Variants in RPTOR observed in about 807,000 individuals in gnomAD.
The protein encoded by RPTOR is regulatory associated protein of MTOR complex 1, also known as regulatory-associated protein of mTOR.
RPTOR carries 21 observed loss-of-function variants against 169.9 expected under a neutral mutation model. That is an observed-to-expected ratio of 0.12 (90% confidence interval 0.09 to 0.18). The LOEUF (loss-of-function observed/expected upper bound fraction) is 0.18, where lower values mean the gene tolerates loss of function less well. Among genes scored for constraint, RPTOR ranks in the 10% least tolerant of loss-of-function variants. The pLI is 1.00. For missense variants in RPTOR, 1,133 were observed against 1,855.9 expected (o/e 0.61, Z 7.16); for synonymous variants, 732 against 753.2 (o/e 0.97, Z 0.46).
chr17:80,781,428 G>A (rs1245406433), intron 6 of RPTOR, among the ~76,000 whole-genome samples: 1 of 152,136 alleles, frequency 6.6e-6, no homozygotes, highest in Non-Finnish European at 1.5e-5. Context: ...GGGTACCAAC[G>A]AGCTAGGCCT....
intron 19 of RPTOR, 130 bp downstream of exon 19, chr17:80,892,999 C>T (rs1169584541): frequency 1.8e-6 from 2 of 1,133,172 alleles, no homozygotes; most frequent in East Asian, 2.4e-5. Flanking sequence ...GTCCCATCTG[C>T]CAACATGGTG....
chr17:80,691,528 T>A (rs916097128), intron 3 of RPTOR, among the ~76,000 whole-genome samples: 1 of 152,160 alleles, frequency 6.6e-6, no homozygotes, highest in Non-Finnish European at 1.5e-5. Flanking sequence ...ATGCATGACT[T>A]ACTCTATTCG....
intron 5 of RPTOR, among the ~76,000 whole-genome samples, chr17:80,747,811 C>T (rs778103931): frequency 4.6e-5 from 7 of 152,230 alleles, no homozygotes; most frequent in Admixed American, 6.5e-5. Context: ...ACTCGCCCCA[C>T]CACCCCATGC....
intron 3 of RPTOR, among the ~76,000 whole-genome samples, chr17:80,671,553 G>T (rs9914378): frequency 0.014 from 2,113 of 152,166 alleles, 62 homozygotes; most frequent in African/African-American, 0.048. Flanking sequence ...CTTTAAAAAA[G>T]AACTTAAGTC....
intron 2 of RPTOR, among the ~76,000 whole-genome samples, chr17:80,641,006 G>A (rs1412257643): frequency 1.3e-5 from 2 of 152,226 alleles, no homozygotes; most frequent in Admixed American, 6.5e-5. Flanking sequence ...TCATGCATGC[G>A]GCAAGGTCGC....
chr17:80,908,564 A>G (rs969029687), intron 20 of RPTOR, among the ~76,000 whole-genome samples: 1 of 152,214 alleles, frequency 6.6e-6, no homozygotes, highest in Non-Finnish European at 1.5e-5. Flanking sequence ...ACCCTTTCCA[A>G]CGCAGTTTTC....
intron 6 of RPTOR, among the ~76,000 whole-genome samples, chr17:80,776,398 A>G (rs1349022579): frequency 7.3e-6 from 1 of 137,428 alleles, no homozygotes; most frequent in Non-Finnish European, 1.5e-5. Context: ...ATCTCGGCTC[A>G]CTGCAAGTTC....
chr17:80,964,640 G>T lies in RPTOR; in HGVS notation c.*310G>T. On this transcript the variant is annotated 3_prime_UTR_variant, in exon 34 of 34. Transcript: ENST00000306801. Reference sequence around the variant, plus strand: ...TCTGTGTTTCTCTGAGACGCTGAAAGGGGAAACACCTCACTTTATTTCCAT... The same window carrying T: ...TCTGTGTTTCTCTGAGACGCTGAAATGGGAAACACCTCACTTTATTTCCAT... The T allele has an allele frequency of 2.3e-6, 1 of 441,590 alleles. No individual in the cohort carries two copies. The highest frequency in any genetic ancestry group is 3.7e-5 in the East Asian group (1 of 27,258). 27.4% of individuals were successfully genotyped at this position (441,590 alleles called of 1,614,324 possible). A position where few individuals can be genotyped will look rare whatever the true frequency, so the allele number is the denominator to read the frequency against.
intron 3 of RPTOR, among the ~76,000 whole-genome samples, chr17:80,668,064 G>GGC (rs1410233885): frequency 6.6e-6 from 1 of 152,074 alleles, no homozygotes; most frequent in African/African-American, 2.4e-5. Flanking sequence ...TTCAGGCGCG[G>GGC]GCATCTAACC....
intron 20 of RPTOR, among the ~76,000 whole-genome samples, chr17:80,904,560 C>G (rs2068517429): frequency 6.6e-6 from 1 of 152,190 alleles, no homozygotes; most frequent in African/African-American, 2.4e-5. Context: ...TCTTTTATTA[C>G]TTTTAGTCTA....
Position 80,562,858 on chromosome 17 carries a change from G to A in RPTOR, c.162+17067G>A, listed in dbSNP as rs1033393145. 6.6e-6 allele frequency among the ~76,000 whole-genome samples: 1 copy of A among 152,232 alleles called. No individual in the cohort carries two copies. The highest frequency in any genetic ancestry group is 6.5e-5 in the Admixed American group (1 of 15,288). On this transcript the variant is annotated intron_variant, in intron 1 of 33. Transcript: ENST00000306801. The surrounding 1 kb of genome is among the most constrained non-coding windows in gnomAD (Gnocchi z 4.4). ...ATCAAAACAAAAGTACTGTGAAAAAGTTAAATCAGATTTTTCCTGCATTTT... is the reference window on the plus strand; with the variant it reads ...ATCAAAACAAAAGTACTGTGAAAAAATTAAATCAGATTTTTCCTGCATTTT...
chr17:80,548,078 CTTTTTTTT>C (rs55928458), intron 1 of RPTOR, among the ~76,000 whole-genome samples: 1 of 102,780 alleles, frequency 9.7e-6, no homozygotes, highest in Non-Finnish European at 2.0e-5. Context: ...TTTTCTGTTT[CTTTTTTTT>C]TTTTTTTTTT....
rs752769103 is a variant in RPTOR at position 80,823,104 on chromosome 17, G to A, written c.1017G>A (p.Gln339=). 1 of 1,614,164 alleles carries A rather than the reference G, an allele frequency of 6.2e-7. No homozygotes were observed. Among genetic ancestry groups the A allele is most frequent in the Admixed American group, 1.7e-5 (1 of 60,014 alleles). Residue 339 remains glutamine, a synonymous_variant, in exon 9 of 34, where the codon CAG becomes CAA. Coordinates refer to ENST00000306801, the MANE Select transcript of RPTOR (RefSeq NM_020761.3). The surrounding 1 kb of genome is among the most constrained non-coding windows in gnomAD (Gnocchi z 4.5). ...PRDLFQKLFR[Q]DLLVASLFRN... ...ATCTCTTCCAAAAGCTCTTCAGACA[G>A]GACTTGCTGGTGGCTAGTCTGTTTC...
chr17:80,800,982 C>T (rs55828004), intron 7 of RPTOR, among the ~76,000 whole-genome samples: 2,170 of 152,332 alleles, frequency 0.014, 47 homozygotes, highest in African/African-American at 0.05. Context: ...ACGGCTGCCC[C>T]GTGTGGCCCA....
intron 20 of RPTOR, among the ~76,000 whole-genome samples, chr17:80,904,666 C>T (rs368678886): frequency 1.6e-4 from 25 of 152,140 alleles, no homozygotes; most frequent in Non-Finnish European, 2.9e-4. Context: ...GACTCCCTGC[C>T]GGGCAGGACC....
At chr17:80,635,520 G>A (rs116166821) in intron 2 of RPTOR, among the ~76,000 whole-genome samples, 113 of 152,308 alleles carry the variant, frequency 7.4e-4, no homozygotes, top group African/African-American at 2.4e-3. Context: ...GTACCATTTC[G>A]CACATGGTGA....
chr17:80,777,540 C>T (rs1257368078), intron 6 of RPTOR, among the ~76,000 whole-genome samples: 1 of 142,344 alleles, frequency 7.0e-6, no homozygotes, highest in Non-Finnish European at 1.5e-5. Context: ...GCTTATTGGC[C>T]TTTGTTGTTT....
rs373637004 is a variant in RPTOR, at chr17:80,629,078, G to A, written c.265+3285G>A. ...GTATTGTGCTGTTGGACATTGTACC[G>A]CAGCTCTTTTGTGTGTCTCTATCTT... On this transcript the variant is annotated intron_variant, in intron 2 of 33. Coordinates refer to ENST00000306801, the MANE Select transcript of RPTOR (RefSeq NM_020761.3). Among the ~76,000 whole-genome samples the A allele has an allele frequency of 2.1e-4, 28 of 134,750 alleles. No individual in the cohort carries two copies. In the South Asian group the frequency reaches 5.8e-3, roughly 28 times the overall value. The allele number at this position is 134,750 out of a possible 152,430, so 88.4% of individuals were successfully genotyped here.
chr17:80,889,562 C>T (rs781150667), intron 17 of RPTOR, among the ~76,000 whole-genome samples: 37 of 152,196 alleles, frequency 2.4e-4, no homozygotes, highest in Non-Finnish European at 4.0e-4. Context: ...CAGCCAAGCT[C>T]ATCTTGCAAA....
Sources: allele counts gnomAD v4.1 joint callset (sites outside exome capture counted in the v4.1 genomes callset), GRCh38; gene constraint gnomAD v4.1.1; non-coding constraint Gnocchi (gnomAD v3.1); transcripts MANE v1.5; gene names NCBI Gene and HGNC (gene_info 2026-07-23, HGNC 2026-07-21).